STARD13: variants seen among roughly 807,000 people sequenced by gnomAD.
STARD13 encodes StAR related lipid transfer domain containing 13.
Under a neutral mutation model 106.4 loss-of-function variants are expected in STARD13, and 62 were observed. The observed-to-expected ratio is 0.58, with a 90% CI of 0.48 to 0.72. STARD13 has a LOEUF of 0.72. Among genes scored for constraint, STARD13 ranks in the 30% least tolerant of loss-of-function variants. The pLI, the probability that STARD13 is intolerant of heterozygous loss-of-function variation, is 0.00. For missense variants in STARD13, 1,387 were observed against 1,424.0 expected, an observed-to-expected ratio of 0.97 and a Z score of 0.42; for synonymous variants, 565 against 553.0, an observed-to-expected ratio of 1.02 and a Z score of -0.31.
At chr13:33,601,219 T>G in the STARD13 span, among the ~76,000 whole-genome samples, 3 of 152,116 alleles carry the variant, frequency 2.0e-5, no homozygotes, top group Middle Eastern at 3.4e-3. Context: ...TTTTTGTTTT[T>G]TTTTTTTTCT....
At chr13:33,165,489 C>T (rs908257000) in intron 2 of STARD13, 71 bp from the exon 3 acceptor site, 6 of 1,194,734 alleles carry the variant, frequency 5.0e-6, no homozygotes, top group Non-Finnish European at 7.4e-6. Flanking sequence ...TTCAGACCTT[C>T]AAGGTCTGTA....
the STARD13 span, among the ~76,000 whole-genome samples, chr13:33,400,950 C>A: frequency 6.6e-6 from 1 of 152,180 alleles, no homozygotes; most frequent in Non-Finnish European, 1.5e-5. Flanking sequence ...CAGGAGCCAG[C>A]CTTAACAGGG....
chr13:33,168,240 T>C (rs1883558155), intron 1 of STARD13, among the ~76,000 whole-genome samples: 1 of 152,180 alleles, frequency 6.6e-6, no homozygotes, highest in Admixed American at 6.5e-5. Context: ...TTTCAAGCTG[T>C]AGAGTGCGGC....
chr13:33,407,821 A>G, the STARD13 span, among the ~76,000 whole-genome samples: 1 of 152,242 alleles, frequency 6.6e-6, no homozygotes, highest in Non-Finnish European at 1.5e-5. Context: ...TATTGGTGGT[A>G]GCGAGGAACC....
the STARD13 span, among the ~76,000 whole-genome samples, chr13:33,506,746 T>C: frequency 6.6e-6 from 1 of 152,182 alleles, no homozygotes. Flanking sequence ...ATTCTACATA[T>C]GCAGAAATTA....
At chr13:33,639,007 G>T in the STARD13 span, among the ~76,000 whole-genome samples, 1 of 151,582 alleles carries the variant, frequency 6.6e-6, no homozygotes, top group Non-Finnish European at 1.5e-5. Context: ...AGATATTTGT[G>T]AACCAGACAT....
At chr13:33,337,983 G>A (rs938642716) in intron 1 of STARD13, among the ~76,000 whole-genome samples, 25 of 152,212 alleles carry the variant, frequency 1.6e-4, no homozygotes, top group African/African-American at 4.6e-4. Flanking sequence ...CAGCCCTGCC[G>A]GGGTGTAGTG....
At chr13:33,378,855 A>ATCCTAGGACTAGGTGG in the STARD13 span, among the ~76,000 whole-genome samples, 1 of 151,670 alleles carries the variant, frequency 6.6e-6, no homozygotes, top group Non-Finnish European at 1.5e-5. Flanking sequence ...CACACTTGTA[A>ATCCTAGGACTAGGTGG]TCCTAGGACT....
At chr13:33,556,913 C>T in the STARD13 span, among the ~76,000 whole-genome samples, 1 of 152,126 alleles carries the variant, frequency 6.6e-6, no homozygotes, top group Non-Finnish European at 1.5e-5. Context: ...ACCATCATGC[C>T]TGGCTAATTT....
the STARD13 span, among the ~76,000 whole-genome samples, chr13:33,593,946 G>A: frequency 4.0e-5 from 6 of 151,736 alleles, no homozygotes; most frequent in African/African-American, 7.3e-5. Context: ...TTGCTCTGTC[G>A]CTCAGGCTGG....
chr13:33,605,651 T>C, the STARD13 span, among the ~76,000 whole-genome samples: 3 of 152,204 alleles, frequency 2.0e-5, no homozygotes, highest in African/African-American at 7.2e-5. Flanking sequence ...AGCGCTGTTC[T>C]AGGAAAACAT....
chr13:33,475,820 G>A, the STARD13 span, among the ~76,000 whole-genome samples: 31,109 of 151,874 alleles, frequency 0.2, 5,685 homozygotes, highest in African/African-American at 0.49. Flanking sequence ...AGCTGGGCGT[G>A]GTGGCATGTG....
At chr13:33,569,097 A>G in the STARD13 span, among the ~76,000 whole-genome samples, 2 of 148,122 alleles carry the variant, frequency 1.4e-5, no homozygotes, top group African/African-American at 4.9e-5. Context: ...TTATGTCTAT[A>G]AAATTTAAGT....
chr13:33,444,191 A>C, the STARD13 span, among the ~76,000 whole-genome samples: 1 of 152,308 alleles, frequency 6.6e-6, no homozygotes, highest in Admixed American at 6.5e-5. Flanking sequence ...ATATAGATAC[A>C]CACATTTCTA....
the STARD13 span, among the ~76,000 whole-genome samples, chr13:33,427,685 G>C: frequency 6.6e-6 from 1 of 152,170 alleles, no homozygotes; most frequent in African/African-American, 2.4e-5. Flanking sequence ...GCCAGGTGTG[G>C]TGCCTCACGC....
At chr13:33,487,027 T>C in the STARD13 span, among the ~76,000 whole-genome samples, 1 of 152,210 alleles carries the variant, frequency 6.6e-6, no homozygotes, top group Non-Finnish European at 1.5e-5. Flanking sequence ...AATGACCTTT[T>C]AGAAAGTATG....
intron 1 of STARD13, among the ~76,000 whole-genome samples, chr13:33,170,677 T>G (rs1341406143): frequency 6.6e-6 from 1 of 152,170 alleles, no homozygotes; most frequent in Non-Finnish European, 1.5e-5. Context: ...TGACTCCTCG[T>G]GTAGCATCAT....
In STARD13 at chr13:33,129,693, C is replaced by T; in HGVS notation, c.984G>A (p.Lys328=). ...CCGACGGGCTGCTCTCGCCACTCGACTTGCCAGAGCATGGGAGCCCTTTTC... is the reference window on the plus strand; with the variant it reads ...CCGACGGGCTGCTCTCGCCACTCGATTTGCCAGAGCATGGGAGCCCTTTTC... ...ACRKGLPCSG[K]SSGESSPSEH... is the part of the protein sequence containing the mutation. The change falls in exon 5 of 14, where the codon AAG becomes AAA. Residue 328 remains lysine (K), a synonymous_variant. Coordinates refer to ENST00000336934, the MANE Select transcript of STARD13 (RefSeq NM_178006.4). 7 of 1,614,132 alleles carry T rather than the reference C, an allele frequency of 4.3e-6. No individual in the cohort carries two copies. The highest frequency in any genetic ancestry group is 5.9e-6 in the Non-Finnish European group (7 of 1,180,038).
the STARD13 span, among the ~76,000 whole-genome samples, chr13:33,494,282 A>G: frequency 3.1e-4 from 47 of 152,098 alleles, no homozygotes; most frequent in African/African-American, 1.1e-3. Context: ...CACCCGGGGC[A>G]CTTATTGCCA....
Sources: gnomAD v4.1 joint callset for allele counts (sites outside exome capture counted in the v4.1 genomes callset) on GRCh38, gnomAD v4.1.1 for gene constraint, MANE v1.5 for transcripts, NCBI Gene and HGNC (gene_info 2026-07-23, HGNC 2026-07-21) for gene names.